CDHR4: variants seen among roughly 807,000 people sequenced by gnomAD.
CDHR4 encodes the protein cadherin-related family member 4.
In CDHR4, 89 loss-of-function variants were observed where a neutral mutation model predicts 88.4. That is an observed-to-expected ratio of 1.01 (90% CI 0.85 to 1.20). The LOEUF (loss-of-function observed/expected upper bound fraction) is 1.20. CDHR4 is among the 50% of genes most tolerant of loss of function. CDHR4 has a pLI of 0.00. For missense variants in CDHR4, 914 were observed against 1,007.2 expected, an observed-to-expected ratio of 0.91 and a Z score of 1.25; for synonymous variants, 368 against 399.2, an observed-to-expected ratio of 0.92 and a Z score of 0.93.
At position 49,793,817 on chromosome 3, in the gene CDHR4, A is replaced by G. The variant is rs2081222018; in HGVS notation, c.1469T>C (p.Val490Ala). The change falls in exon 11 of 19, where the codon GTG becomes GCG. Residue 490 changes from valine to alanine, a missense_variant. Coordinates refer to ENST00000412678, the MANE Select transcript of CDHR4 (RefSeq NM_001007540.4). ...GGTGGATGTACCGCTGAGACGGTCC[A>G]CAGCAAAGGTGGTAGGACCACCAGA... is the stretch of plus-strand genomic sequence containing the variant. Reference protein sequence around the residue: ...YTSGGPTTFAVDRLSGEVHLL... With the variant: ...YTSGGPTTFAADRLSGEVHLL... 1.9e-6 allele frequency: 3 copies of G among 1,551,626 alleles called. No homozygotes were observed. The highest frequency in any genetic ancestry group is 2.4e-5 in the South Asian group (2 of 84,068).
In CDHR4 at chr3:49,797,123, A is replaced by C; in HGVS notation, c.496-91T>G. 3 of 929,722 alleles carry C rather than the reference A, an allele frequency of 3.2e-6. No individual in the cohort carries two copies. In the East Asian group the frequency reaches 8.0e-5, roughly 25 times the overall value. 57.6% of individuals were successfully genotyped at this position (929,722 alleles called of 1,614,324 possible). A position where few individuals can be genotyped will look rare whatever the true frequency, so the allele number is the denominator to read the frequency against. On this transcript the variant is annotated intron_variant, in intron 4 of 18. Coordinates refer to ENST00000412678, the MANE Select transcript of CDHR4 (RefSeq NM_001007540.4). ...CCCAGCAGCAACCCTCCAGCAACCC[A>C]GCAGGCACCTGCCTACACCCAATTT...
chr3:49,796,086 G>A, intron 5 of CDHR4, 40 bp from the exon 6 acceptor site: 1 of 1,415,438 alleles, frequency 7.1e-7, no homozygotes, highest in Non-Finnish European at 9.4e-7. Context: ...CAGATTGTGT[G>A]TGTCCACCTC....
At chr3:49,799,886 G>T, upstream of CDHR4, 1 of 1,539,710 alleles carries the variant, frequency 6.5e-7, no homozygotes, top group Non-Finnish European at 9.0e-7. Context: ...CCTGTTGCCA[G>T]GTCAGTTGCT....
At position 49,794,719 on chromosome 3, in the gene CDHR4, A is replaced by G. The variant is rs1427498993; in HGVS notation, c.1186-18T>C. 5 of 1,545,980 alleles carry G rather than the reference A, an allele frequency of 3.2e-6. No homozygotes were observed. The highest frequency in any genetic ancestry group is 4.4e-6 in the Non-Finnish European group (5 of 1,143,208). ...GCATTCACCTAGCCAAAGGGGCTAG[A>G]AAGTGAGGTCCAGCCAGGGCCTGAG... On this transcript the variant is annotated intron_variant, in intron 9 of 18. Transcript: ENST00000412678.
At position 49,791,440 on chromosome 3, in the gene CDHR4, C is replaced by A; in HGVS notation, c.2311+1G>T. On this transcript the variant is annotated splice_donor_variant, in intron 18 of 18. Coordinates refer to ENST00000412678, the MANE Select transcript of CDHR4 (RefSeq NM_001007540.4). LOFTEE classifies it high-confidence loss of function. ...AATAGCTTAGGAAGAGGGGGACTCA[C>A]GGGAGTCCTGTGCTCTGCCATCAAA... The A allele has an allele frequency of 6.5e-7, 1 of 1,544,004 alleles. No individual in the cohort carries two copies. Among genetic ancestry groups the A allele is most frequent in the Non-Finnish European group, 8.7e-7 (1 of 1,144,912 alleles).
At position 49,795,153 on chromosome 3, in the gene CDHR4, G is replaced by A. The variant is rs1425184360; in HGVS notation, c.1031+43C>T. On this transcript the variant is annotated intron_variant, in intron 8 of 18. Transcript: ENST00000412678. This position sits in a 1 kb window ranked among gnomAD's most constrained non-coding sequence, Gnocchi z 5.4. ...GGAGTCTGGCAGTACCCTGAGTCAT[G>A]GCTCTGACCCCAGCAGCCCAAGTAT... is the stretch of plus-strand genomic sequence containing the variant. 2.6e-6 allele frequency: 4 copies of A among 1,551,350 alleles called. No individual in the cohort carries two copies. The African/African-American group carries it at 5.5e-5, about 21-fold the overall frequency.
chr3:49,792,763 CT>C, intron 14 of CDHR4, 90 bp downstream of exon 14: 2 of 1,457,198 alleles, frequency 1.4e-6, no homozygotes. Context: ...TCTGAACTGC[CT>C]TCCCCATAGT....
Position 49,794,683 on chromosome 3 carries a change from A to G in CDHR4, c.1204T>C (p.Cys402Arg). Residue 402 changes from cysteine to arginine, a missense_variant, in exon 10 of 19, where the codon TGT becomes CGT. Cys to Arg is a radical substitution (Grantham distance 180). Transcript: ENST00000412678. ...TGGAAGCAGGCTCCAGGAGTGTCAC[A>G]GTCCAGTGTGGCATTCACCTAGCCA... Reference protein sequence around the residue: ...RVLEVNATLDCDTPGACFQHA... With the variant: ...RVLEVNATLDRDTPGACFQHA... 6.4e-7 allele frequency: 1 copy of G among 1,551,358 alleles called. No homozygotes were observed. Among genetic ancestry groups the G allele is most frequent in the African/African-American group, 1.4e-5 (1 of 73,168 alleles).
rs1393762951 is a variant in CDHR4 at position 49,791,317 on chromosome 3, A to C, written c.2311+124T>G. ...ATGAGAGCAGACCCCATTCAGGAAA[A>C]AAGCAGATAGATGGTGGGTTCCTGG... is the stretch of plus-strand genomic sequence containing the variant. On this transcript the variant is annotated intron_variant, in intron 18 of 18. Transcript: ENST00000412678. 2.7e-6 allele frequency: 3 copies of C among 1,102,638 alleles called. No individual in the cohort carries two copies. In the Admixed American group the frequency reaches 8.6e-5, roughly 32 times the overall value. 68.3% of individuals were successfully genotyped at this position (1,102,638 alleles called of 1,614,324 possible). A position where few individuals can be genotyped will look rare whatever the true frequency, so the allele number is the denominator to read the frequency against.
At position 49,793,625 on chromosome 3, in the gene CDHR4, G is replaced by T. The variant is rs116781994; in HGVS notation, c.1581C>A (p.Asn527Lys). The change falls in exon 12 of 19, where the codon AAC (asparagine) becomes AAA (lysine). Residue 527 changes from asparagine to lysine, a missense_variant. Asn to Lys is a moderately conservative substitution (Grantham distance 94). Transcript: ENST00000412678. ...TGGTACAGGAGCCTGAGAGGTGATG[G>T]TTGGGGTTCTGGTCTTGGCCATGGT... is the stretch of plus-strand genomic sequence containing the variant. ...VIDHGQDQNP[N>K]HHLSGSCTIT... 13 of 1,551,614 alleles carry T rather than the reference G, an allele frequency of 8.4e-6. No homozygotes were observed. Among genetic ancestry groups the T allele is most frequent in the Non-Finnish European group, 1.0e-5 (12 of 1,147,002 alleles).
At chr3:49,801,414 C>G (rs960904856), upstream of CDHR4, among the ~76,000 whole-genome samples, 5 of 152,220 alleles carry the variant, frequency 3.3e-5, no homozygotes, top group South Asian at 4.1e-4. Context: ...TCCTCCCACC[C>G]CACCTTATCC....
At chr3:49,801,742 A>C (rs184375048), upstream of CDHR4, among the ~76,000 whole-genome samples, 10 of 152,298 alleles carry the variant, frequency 6.6e-5, no homozygotes, top group African/African-American at 2.2e-4. Context: ...GCAAGACTTG[A>C]TTTTAGTTCC....
rs769554052 is a variant in CDHR4 at position 49,795,388 on chromosome 3, G to A, written c.848-9C>T. The A allele has an allele frequency of 2.6e-5, 41 of 1,549,212 alleles. No homozygotes were observed. Among genetic ancestry groups the A allele is most frequent in the Non-Finnish European group, 3.1e-5 (36 of 1,146,842 alleles). ...CCGGACCACACCGTCTGCTGCATGG[G>A]GTGAGAGAACACAGAGGTCAGGGGT... On this transcript the variant is annotated splice_polypyrimidine_tract_variant and intron_variant, in intron 7 of 18. Coordinates refer to ENST00000412678, the MANE Select transcript of CDHR4 (RefSeq NM_001007540.4). This position sits in a 1 kb window ranked among gnomAD's most constrained non-coding sequence, Gnocchi z 5.4.
chr3:49,795,404 G>T lies in CDHR4; in HGVS notation c.848-25C>A. 6.5e-7 allele frequency: 1 copy of T among 1,546,184 alleles called. No individual in the cohort carries two copies. Among genetic ancestry groups the T allele is most frequent in the Non-Finnish European group, 8.7e-7 (1 of 1,146,124 alleles). On this transcript the variant is annotated intron_variant, in intron 7 of 18. Coordinates refer to ENST00000412678, the MANE Select transcript of CDHR4 (RefSeq NM_001007540.4). The surrounding 1 kb of genome is among the most constrained non-coding windows in gnomAD (Gnocchi z 5.4). ...GCTGCATGGGGTGAGAGAACACAGA[G>T]GTCAGGGGTCAGGGAACACAGAGAT...
At chr3:49,790,997 G>A (rs1309338159) in intron 18 of CDHR4, 110 bp from the exon 19 acceptor site, 4 of 814,808 alleles carry the variant, frequency 4.9e-6, no homozygotes, top group Non-Finnish European at 7.7e-6. Context: ...GACCCTCAGT[G>A]TGACATCCCA....
Position 49,795,263 on chromosome 3 carries a change from G to A in CDHR4, c.964C>T (p.Leu322Phe), listed in dbSNP as rs1449981191. The change falls in exon 8 of 19, where the codon CTC becomes TTC. Residue 322 changes from leucine to phenylalanine, a missense_variant. Leu to Phe is a conservative substitution (Grantham distance 22). Coordinates refer to ENST00000412678, the MANE Select transcript of CDHR4 (RefSeq NM_001007540.4). This position sits in a 1 kb window ranked among gnomAD's most constrained non-coding sequence, Gnocchi z 5.4. ...AGCTGCACATTCATGGTGAGATTGAGCTTGGCACTGGCCCACAGCTGGCCC... is the reference window on the plus strand; with the variant it reads ...AGCTGCACATTCATGGTGAGATTGAACTTGGCACTGGCCCACAGCTGGCCC... ...EQGQLWASAK[L>F]NLTMNVQLVN... is the part of the protein sequence containing the mutation. The A allele has an allele frequency of 1.2e-5, 19 of 1,551,710 alleles. No individual in the cohort carries two copies. Among genetic ancestry groups the A allele is most frequent in the Non-Finnish European group, 1.7e-5 (19 of 1,146,996 alleles).
Position 49,793,949 on chromosome 3 carries a change from G to A in CDHR4, c.1337C>T (p.Ala446Val). ...TPINEFSPAC[A>V]PRTFRVQEDA... Reference sequence around the variant, plus strand: ...CTCCTGAACCCGGAACGTGCGAGGGGCACAGGCTGGGGAGAACTCGTTGAT... The same window carrying A: ...CTCCTGAACCCGGAACGTGCGAGGGACACAGGCTGGGGAGAACTCGTTGAT... Residue 446 changes from alanine to valine, a missense_variant, in exon 11 of 19, where the codon GCC (alanine) becomes GTC (valine). Transcript: ENST00000412678. The A allele has an allele frequency of 1.3e-6, 2 of 1,551,790 alleles. No individual in the cohort carries two copies.
chr3:49,790,970 G>A, intron 18 of CDHR4, 83 bp from the exon 19 acceptor site: 1 of 1,121,078 alleles, frequency 8.9e-7, no homozygotes, highest in Non-Finnish European at 1.3e-6. Context: ...CTTAAGGGTA[G>A]GAGATTATTC....
At chr3:49,798,609 C>G (rs1220570605) in intron 4 of CDHR4, 2 of 464,672 alleles carry the variant, frequency 4.3e-6, no homozygotes, top group Admixed American at 3.9e-5. Context: ...AAAAAAAGAA[C>G]TCAGCCCCTG....
Sources: allele counts gnomAD v4.1 joint callset (sites outside exome capture counted in the v4.1 genomes callset), GRCh38; gene constraint gnomAD v4.1.1; non-coding constraint Gnocchi (gnomAD v3.1); transcripts MANE v1.5; gene names NCBI Gene and HGNC (gene_info 2026-07-23, HGNC 2026-07-21).